TMA7: variants seen among roughly 807,000 people sequenced by gnomAD.
TMA7 encodes translation machinery associated 7 homolog, also known as translation machinery-associated protein 7.
Under a neutral mutation model 12.5 loss-of-function variants are expected in TMA7, and 5 were observed. The ratio of observed to expected loss-of-function variants is 0.40; its 90% confidence interval spans 0.21 to 0.84. The LOEUF (loss-of-function observed/expected upper bound fraction) is 0.84, where lower values mean the gene tolerates loss of function less well. Among genes scored for constraint, TMA7 ranks in the 40% least tolerant of loss-of-function variants. The probability of loss-of-function intolerance (pLI) is 0.36; values close to 1 mark genes in which losing one functional copy is unlikely to be tolerated. For missense variants in TMA7, 71 were observed against 75.4 expected (o/e 0.94, Z 0.22); for synonymous variants, 36 against 28.1 (o/e 1.28, Z -0.89).
intron 2 of TMA7, 26 bp from the exon 3 acceptor site, chr3:48,440,515 G>A (rs763146933): frequency 3.1e-6 from 5 of 1,607,484 alleles, no homozygotes; most frequent in Middle Eastern, 1.9e-4. Flanking sequence ...ACAGGCCTGA[G>A]TTGAACACGC....
chr3:48,441,389 G>T (rs577801807), intron 3 of TMA7, among the ~76,000 whole-genome samples: 1 of 151,130 alleles, frequency 6.6e-6, no homozygotes, highest in Non-Finnish European at 1.5e-5. Flanking sequence ...CACCATGTTG[G>T]CCAAGCTGGT....
At position 48,440,465 on chromosome 3, in the gene TMA7, G is replaced by A; in HGVS notation, c.72+7G>A. 1.2e-6 allele frequency: 2 copies of A among 1,611,946 alleles called. No individual in the cohort carries two copies. The highest frequency in any genetic ancestry group is 1.7e-6 in the Non-Finnish European group (2 of 1,179,574). Reference sequence around the variant, plus strand: ...GGCCAAGGAGATGGACGAGGTGAGGGCGGGCGCGGAGGCACTGGCGGGTGC... The same window carrying A: ...GGCCAAGGAGATGGACGAGGTGAGGACGGGCGCGGAGGCACTGGCGGGTGC... On this transcript the variant is annotated splice_region_variant and intron_variant, in intron 2 of 3. Transcript: ENST00000438607.
chr3:48,442,094 T>C (rs1193059408), intron 3 of TMA7, among the ~76,000 whole-genome samples: 2 of 152,034 alleles, frequency 1.3e-5, no homozygotes, highest in African/African-American at 2.4e-5. Flanking sequence ...GTGGTGGTGG[T>C]GGCGGCCCGT....
Position 48,440,648 on chromosome 3 carries a change from A to C in TMA7, c.160+20A>C. On this transcript the variant is annotated intron_variant, in intron 3 of 3. Transcript: ENST00000438607. ...CCTTGGGTAAGTGGGGGCCGAATGG[A>C]GCTCAAGCTGGCCAAACGCTATGAG... 6.2e-7 allele frequency: 1 copy of C among 1,606,200 alleles called. No homozygotes were observed. The highest frequency in any genetic ancestry group is 8.5e-7 in the Non-Finnish European group (1 of 1,177,008).
Sources: gnomAD v4.1 joint callset for allele counts (sites outside exome capture counted in the v4.1 genomes callset) on GRCh38, gnomAD v4.1.1 for gene constraint, MANE v1.5 for transcripts, NCBI Gene and HGNC (gene_info 2026-07-23, HGNC 2026-07-21) for gene names.